Variants in IDO2 observed in about 807,000 individuals in gnomAD.
IDO2 encodes indoleamine 2,3-dioxygenase-like 1 protein.
In IDO2, 46 loss-of-function variants were observed where a neutral mutation model predicts 45.1. That is an observed-to-expected ratio of 1.02 (90% CI 0.80 to 1.30). The LOEUF is 1.30. Among genes scored for constraint, IDO2 ranks in the 50% most tolerant of loss-of-function variants. IDO2 has a pLI of 0.00. For synonymous variants in IDO2, 218 were observed against 184.9 expected, an observed-to-expected ratio of 1.18 and a Z score of -1.45; for missense variants, 544 against 491.8, an observed-to-expected ratio of 1.11 and a Z score of -1.00.
intron 3 of IDO2, among the ~76,000 whole-genome samples, chr8:39,972,340 G>A (rs1027152863): frequency 2.0e-5 from 3 of 152,112 alleles, no homozygotes; most frequent in East Asian, 1.9e-4. Flanking sequence ...ACTGGGTGCC[G>A]AGCGTGGTGG....
chr8:39,942,246 C>T (rs7845003), intron 1 of IDO2, among the ~76,000 whole-genome samples: 62,917 of 151,778 alleles, frequency 0.41, 13,172 homozygotes, highest in East Asian at 0.59. Flanking sequence ...TATGGATTTC[C>T]TGCAGAAACA....
intron 1 of IDO2, among the ~76,000 whole-genome samples, chr8:39,947,238 TGTAAA>T (rs943723089): frequency 6.8e-6 from 1 of 147,224 alleles, no homozygotes; most frequent in African/African-American, 2.5e-5. Context: ...TGCTGTAAAA[TGTAAA>T]GTAGATATTC....
intron 3 of IDO2, among the ~76,000 whole-genome samples, chr8:39,971,285 T>C (rs1469969844): frequency 6.6e-6 from 1 of 152,154 alleles, no homozygotes; most frequent in Non-Finnish European, 1.5e-5. Flanking sequence ...ACAGCATGCT[T>C]TACTGAATAC....
intron 1 of IDO2, among the ~76,000 whole-genome samples, chr8:39,945,153 A>G (rs1295690180): frequency 6.6e-6 from 1 of 152,264 alleles, no homozygotes; most frequent in East Asian, 1.9e-4. Flanking sequence ...CAGGGTGGCC[A>G]TGCTACAGTC....
At chr8:39,965,988 G>T (rs967623623) in intron 3 of IDO2, among the ~76,000 whole-genome samples, 1 of 150,442 alleles carries the variant, frequency 6.6e-6, no homozygotes, top group Non-Finnish European at 1.5e-5. Context: ...TTATGGCAGC[G>T]CATAAAACTA....
At chr8:39,975,600 A>G (rs2129594248) in intron 3 of IDO2, among the ~76,000 whole-genome samples, 1 of 152,320 alleles carries the variant, frequency 6.6e-6, no homozygotes, top group East Asian at 1.9e-4. Flanking sequence ...ATAACCATAC[A>G]ACTGAAAAAT....
At chr8:39,995,617 T>G (rs1289394855) in intron 8 of IDO2, among the ~76,000 whole-genome samples, 4 of 152,042 alleles carry the variant, frequency 2.6e-5, no homozygotes, top group Non-Finnish European at 5.9e-5. Context: ...TCCAGTATAA[T>G]GAGGAAAATA....
rs555269977 is a variant in IDO2, at chr8:39,998,007, C to T, written c.668-7320C>T. ...CTATTCTGTAAGCTCCTCACTTAGC[C>T]CATCTGTAGCTCTGACTTCTCCACC... On this transcript the variant is annotated intron_variant, in intron 8 of 10. Transcript: ENST00000502986. The T allele has an allele frequency of 1.7e-5, 4 of 234,670 alleles. No individual in the cohort carries two copies. In the East Asian group the frequency reaches 4.1e-4, roughly 24 times the overall value. 14.5% of individuals were successfully genotyped at this position (234,670 alleles called of 1,614,324 possible). A position where few individuals can be genotyped will look rare whatever the true frequency, so the allele number is the denominator to read the frequency against.
At chr8:39,994,756 T>C (rs1802008896) in intron 8 of IDO2, among the ~76,000 whole-genome samples, 1 of 152,080 alleles carries the variant, frequency 6.6e-6, no homozygotes, top group South Asian at 2.1e-4. Context: ...TGACATTTAC[T>C]CAAACTTCCT....
chr8:39,942,335 TC>T (rs2129593025), intron 1 of IDO2, among the ~76,000 whole-genome samples: 1 of 152,268 alleles, frequency 6.6e-6, no homozygotes, highest in Non-Finnish European at 1.5e-5. Context: ...ACTCTGGTAG[TC>T]CTGAGTTAAC....
intron 2 of IDO2, among the ~76,000 whole-genome samples, chr8:39,951,181 A>G (rs1807809241): frequency 6.6e-6 from 1 of 151,950 alleles, no homozygotes; most frequent in African/African-American, 2.4e-5. Context: ...ATTCCACACT[A>G]TTCTTTAATC....
At chr8:39,934,959 C>A in exon 1 of IDO2, 1 of 623,120 alleles carries the variant, frequency 1.6e-6, no homozygotes, top group East Asian at 2.8e-5. Context: ...AATTTCAGTC[C>A]AGATGATAGT....
intron 2 of IDO2, among the ~76,000 whole-genome samples, chr8:39,958,719 G>A (rs1046943614): frequency 2.0e-5 from 3 of 152,152 alleles, no homozygotes; most frequent in Non-Finnish European, 1.5e-5. Flanking sequence ...CCAAAGTGCT[G>A]GGATTACAGG....
chr8:39,958,639 C>T (rs1585400578), intron 2 of IDO2, among the ~76,000 whole-genome samples: 5 of 152,190 alleles, frequency 3.3e-5, no homozygotes, highest in South Asian at 2.1e-4. Context: ...TTAGTAGAGA[C>T]GGGGTTTCAC....
intron 2 of IDO2, among the ~76,000 whole-genome samples, chr8:39,955,665 C>T (rs969023145): frequency 2.0e-5 from 3 of 151,954 alleles, no homozygotes; most frequent in African/African-American, 4.8e-5. Context: ...CTACCCATCC[C>T]GCAAGGAAGA....
chr8:39,985,514 G>T (rs1385600452), exon 6 of IDO2: 1 of 1,564,702 alleles, frequency 6.4e-7, no homozygotes. Flanking sequence ...CTAGATTCCT[G>T]GAAATTGGGT....
At chr8:39,974,509 A>C (rs1234667822) in intron 3 of IDO2, among the ~76,000 whole-genome samples, 1 of 152,186 alleles carries the variant, frequency 6.6e-6, no homozygotes, top group African/African-American at 2.4e-5. Flanking sequence ...AGGGCCCGGC[A>C]CGGTGGCTCA....
chr8:39,965,959 T>G (rs560760796), intron 3 of IDO2, among the ~76,000 whole-genome samples: 2 of 152,080 alleles, frequency 1.3e-5, no homozygotes, highest in African/African-American at 4.8e-5. Context: ...TTTTAAGTCA[T>G]GATGTTTGTG....
chr8:40,011,618 G>A (rs556122433), intron 9 of IDO2, among the ~76,000 whole-genome samples: 32 of 152,338 alleles, frequency 2.1e-4, no homozygotes, highest in African/African-American at 7.5e-4. Context: ...AATGAAAGGG[G>A]AGCCGGGATT....
Sources: allele counts gnomAD v4.1 joint callset (sites outside exome capture counted in the v4.1 genomes callset), GRCh38; gene constraint gnomAD v4.1.1; transcripts MANE v1.5; gene names NCBI Gene and HGNC (gene_info 2026-07-23, HGNC 2026-07-21).